Variants in PIWIL2 observed in about 807,000 individuals in gnomAD.
PIWIL2 encodes the protein piwi like RNA-mediated gene silencing 2.
Under a neutral mutation model 116.5 loss-of-function variants are expected in PIWIL2, and 81 were observed. That is an observed-to-expected ratio of 0.70 (90% CI 0.58 to 0.84). PIWIL2 has a LOEUF of 0.84. Among genes scored for constraint, PIWIL2 ranks in the 40% least tolerant of loss-of-function variants. PIWIL2 has a pLI of 0.00. For missense variants in PIWIL2, 1,272 were observed against 1,212.3 expected (o/e 1.05, Z -0.73); for synonymous variants, 489 against 429.5 (o/e 1.14, Z -1.71).
In PIWIL2 at chr8:22,320,032, G is replaced by A. The variant is rs539678514; in HGVS notation, c.2403+1757G>A. ...GGCTGGAGTGCAGTGGCACAATCTC[G>A]GCTCACTGCAACCTCTGCCTCCCAG... On this transcript the variant is annotated intron_variant, in intron 20 of 22. Transcript: ENST00000356766. 4.3e-4 allele frequency among the ~76,000 whole-genome samples: 66 copies of A among 151,742 alleles called. 1 individual carries two copies. Among genetic ancestry groups the A allele is most frequent in the African/African-American group, 1.6e-3 (66 of 41,364 alleles).
chr8:22,309,169 C>G (rs892609719), intron 14 of PIWIL2, among the ~76,000 whole-genome samples: 2 of 151,794 alleles, frequency 1.3e-5, no homozygotes, highest in African/African-American at 2.4e-5. Context: ...ACCATCTTGG[C>G]CAGGCTGGTC....
chr8:22,321,417 G>T (rs569639550), intron 20 of PIWIL2, among the ~76,000 whole-genome samples: 12 of 152,244 alleles, frequency 7.9e-5, no homozygotes, highest in African/African-American at 2.6e-4. Context: ...CTGGCCAAAA[G>T]GTTTCATTTC....
chr8:22,286,138 G>A (rs1231042799), intron 6 of PIWIL2, among the ~76,000 whole-genome samples: 1 of 152,206 alleles, frequency 6.6e-6, no homozygotes, highest in Non-Finnish European at 1.5e-5. Context: ...TAATGAGAAG[G>A]TGGTTGACTT....
chr8:22,304,705 G>A, intron 11 of PIWIL2, 79 bp from the exon 12 acceptor site: 1 of 817,456 alleles, frequency 1.2e-6, no homozygotes, highest in Non-Finnish European at 2.2e-6. Flanking sequence ...CTCAGTCCTG[G>A]TTAAGAGACT....
chr8:22,340,879 T>C (rs1407037140), intron 20 of PIWIL2, among the ~76,000 whole-genome samples: 2 of 152,094 alleles, frequency 1.3e-5, no homozygotes, highest in African/African-American at 4.8e-5. Flanking sequence ...TTCTGGCTAA[T>C]TTTTTAATTT....
chr8:22,314,896 T>G lies in PIWIL2; in HGVS notation c.2092-133T>G, dbSNP rs915331169. On this transcript the variant is annotated intron_variant, in intron 17 of 22. Transcript: ENST00000356766. ...ATGCCTAGAAACCCTAGAATTAGAATTATTAATGCGAAATGTGTTATCTTC... is the reference window on the plus strand; with the variant it reads ...ATGCCTAGAAACCCTAGAATTAGAAGTATTAATGCGAAATGTGTTATCTTC... The G allele has an allele frequency of 2.9e-5, 19 of 647,184 alleles. No individual in the cohort carries two copies. In the African/African-American group the frequency reaches 3.9e-4, roughly 13 times the overall value. The allele number at this position is 647,184 out of a possible 1,614,324, so 40.1% of individuals were successfully genotyped here.
chr8:22,300,767 T>C (rs540095708), intron 10 of PIWIL2, among the ~76,000 whole-genome samples: 2 of 152,316 alleles, frequency 1.3e-5, no homozygotes, highest in South Asian at 2.1e-4. Flanking sequence ...GAGCATCTTT[T>C]CCTGTGTGTA....
chr8:22,292,852 C>T (rs1270367976), intron 10 of PIWIL2, among the ~76,000 whole-genome samples: 1 of 152,152 alleles, frequency 6.6e-6, no homozygotes, highest in Non-Finnish European at 1.5e-5. Context: ...TGTGTCTCTC[C>T]TGATTTCTCA....
At chr8:22,305,141 C>G (rs578008886) in intron 12 of PIWIL2, among the ~76,000 whole-genome samples, 47 of 151,876 alleles carry the variant, frequency 3.1e-4, no homozygotes, top group Non-Finnish European at 6.6e-4. Context: ...AAGATTAAAA[C>G]TCTGAATCCA....
At chr8:22,311,373 A>G (rs916359920) in intron 16 of PIWIL2, 73 bp downstream of exon 16, 4 of 1,229,294 alleles carry the variant, frequency 3.3e-6, no homozygotes, top group Admixed American at 2.0e-5. Flanking sequence ...TTAATGTATC[A>G]TGGTTATCAG....
At chr8:22,336,613 T>C (rs952881103) in intron 20 of PIWIL2, among the ~76,000 whole-genome samples, 1 of 151,820 alleles carries the variant, frequency 6.6e-6, no homozygotes. Flanking sequence ...AAGGAAATAA[T>C]AGACATTAGA....
At chr8:22,348,433 A>G (rs1018510358) in intron 20 of PIWIL2, among the ~76,000 whole-genome samples, 3 of 151,996 alleles carry the variant, frequency 2.0e-5, no homozygotes, top group African/African-American at 7.3e-5. Flanking sequence ...TTTTTGCCTA[A>G]CTGACCCTTG....
intron 20 of PIWIL2, among the ~76,000 whole-genome samples, chr8:22,327,135 G>T (rs1831743776): frequency 7.1e-6 from 1 of 140,504 alleles, no homozygotes; most frequent in Admixed American, 7.7e-5. Flanking sequence ...TCAAGAGATT[G>T]TCCTGTCTCA....
At chr8:22,314,465 C>T (rs1470206281) in intron 17 of PIWIL2, 36 bp downstream of exon 17, 2 of 1,079,994 alleles carry the variant, frequency 1.9e-6, no homozygotes, top group Non-Finnish European at 1.3e-6. Context: ...GCAGATGGCA[C>T]CTCTCGCCTC....
chr8:22,295,756 G>A (rs1250024414), intron 10 of PIWIL2, among the ~76,000 whole-genome samples: 1 of 152,020 alleles, frequency 6.6e-6, no homozygotes, highest in Non-Finnish European at 1.5e-5. Context: ...GGTGAGAAGA[G>A]CTCGGTGTTT....
chr8:22,319,971 T>A (rs757662051), intron 20 of PIWIL2, among the ~76,000 whole-genome samples: 2 of 152,222 alleles, frequency 1.3e-5, no homozygotes, highest in South Asian at 4.1e-4. Flanking sequence ...GTGGCTATTT[T>A]CTTTTTTTGA....
In PIWIL2 at chr8:22,304,843, G is replaced by T; in HGVS notation, c.1430G>T (p.Ser477Ile). The T allele has an allele frequency of 1.2e-6, 2 of 1,611,010 alleles. No individual in the cohort carries two copies. The highest frequency in any genetic ancestry group is 1.7e-6 in the Non-Finnish European group (2 of 1,177,144). ...EDQPLLIHRP[S>I]ERQDNHGMLL... is the part of the protein sequence containing the mutation. ...CAGCCATTGCTGATTCACAGGCCCA[G>T]TGAGAGACAGGATAATCATGGGATG... The change falls in exon 12 of 23, where the codon AGT becomes ATT. Residue 477 changes from serine (S) to isoleucine (I), a missense_variant. Ser to Ile is a moderately radical substitution (Grantham distance 142). Coordinates refer to ENST00000356766, the MANE Select transcript of PIWIL2 (RefSeq NM_018068.5).
At chr8:22,308,714 T>C (rs1831250349) in intron 14 of PIWIL2, among the ~76,000 whole-genome samples, 1 of 152,192 alleles carries the variant, frequency 6.6e-6, no homozygotes, top group Non-Finnish European at 1.5e-5. Context: ...ACTGAATCTT[T>C]GTGTGTGTTA....
chr8:22,322,591 G>T (rs950214908), intron 20 of PIWIL2, among the ~76,000 whole-genome samples: 20 of 132,796 alleles, frequency 1.5e-4, no homozygotes, highest in Non-Finnish European at 1.5e-4. Context: ...GTCCCGTCCC[G>T]TCCTGTCCCG....
Sources: allele counts gnomAD v4.1 joint callset (sites outside exome capture counted in the v4.1 genomes callset), GRCh38; gene constraint gnomAD v4.1.1; transcripts MANE v1.5; gene names NCBI Gene and HGNC (gene_info 2026-07-23, HGNC 2026-07-21).